The following COPZ1 variants were observed in gnomAD, a reference collection of about 807,000 sequenced individuals.
The protein encoded by COPZ1 is coatomer subunit zeta-1.
Under a neutral mutation model 31.7 loss-of-function variants are expected in COPZ1, and 4 were observed. That is an observed-to-expected ratio of 0.13 (90% confidence interval 0.06 to 0.29). COPZ1 has a LOEUF of 0.29. Ranked by LOEUF, COPZ1 falls within the 10% of genes least tolerant of loss-of-function variation. The probability of loss-of-function intolerance (pLI) is 1.00; values close to 1 mark genes in which losing one functional copy is unlikely to be tolerated. For synonymous variants in COPZ1, 74 were observed against 79.0 expected (o/e 0.94, Z 0.33); for missense variants, 156 against 211.5 (o/e 0.74, Z 1.63).
rs966494462 is a variant in COPZ1 at position 54,337,277 on chromosome 12, G to C, written c.19-3270G>C. On this transcript the variant is annotated intron_variant, in intron 1 of 8. Coordinates refer to ENST00000262061, the MANE Select transcript of COPZ1 (RefSeq NM_016057.3). Reference sequence around the variant, plus strand: ...ACACTCAGGCTGTGGCTCTCTGAAAGTCAGTGCATCACAGAACTTTGTCTC... The same window carrying C: ...ACACTCAGGCTGTGGCTCTCTGAAACTCAGTGCATCACAGAACTTTGTCTC... 7.5e-6 allele frequency: 4 copies of C among 534,618 alleles called. No homozygotes were observed. The African/African-American group carries it at 7.7e-5, about 10-fold the overall frequency. 33.1% of individuals were successfully genotyped at this position (534,618 alleles called of 1,614,324 possible).
At chr12:54,327,880 C>A (rs1367470236) in intron 1 of COPZ1, among the ~76,000 whole-genome samples, 1 of 151,684 alleles carries the variant, frequency 6.6e-6, no homozygotes, top group African/African-American at 2.4e-5. Context: ...TAGAAGGGAG[C>A]CTGCTTAAAG....
chr12:54,347,538 C>T (rs1954085496), intron 5 of COPZ1, among the ~76,000 whole-genome samples: 1 of 152,192 alleles, frequency 6.6e-6, no homozygotes, highest in South Asian at 2.1e-4. Flanking sequence ...CCTGAATAGT[C>T]AGAAATTGAC....
chr12:54,349,558 A>C, intron 7 of COPZ1, 62 bp from the exon 8 acceptor site: 2 of 1,316,206 alleles, frequency 1.5e-6, no homozygotes, highest in Non-Finnish European at 2.2e-6. Context: ...CTAATACCAG[A>C]CTCCAATCAG....
chr12:54,349,973 G>T (rs1207418447), intron 8 of COPZ1: 15 of 592,192 alleles, frequency 2.5e-5, no homozygotes, highest in Middle Eastern at 4.4e-4. Context: ...TGGTCTGTGT[G>T]CATTTGTGCA....
chr12:54,331,946 C>A (rs758328039), intron 1 of COPZ1, among the ~76,000 whole-genome samples: 11 of 152,184 alleles, frequency 7.2e-5, no homozygotes, highest in Non-Finnish European at 1.3e-4. Flanking sequence ...CTCTTCCCAG[C>A]AGTACTGCTT....
chr12:54,326,152 A>ATTT (rs1182938105), intron 1 of COPZ1, among the ~76,000 whole-genome samples: 3 of 136,292 alleles, frequency 2.2e-5, no homozygotes, highest in African/African-American at 8.3e-5. Context: ...TATTATTATT[A>ATTT]TTTTTGAGAC....
chr12:54,325,367 C>G, intron 1 of COPZ1, 186 bp downstream of exon 1: 1 of 763,970 alleles, frequency 1.3e-6, no homozygotes, highest in Non-Finnish European at 2.0e-6. Context: ...AGTAGGAAGC[C>G]CTGCCGGGGA....
intron 8 of COPZ1, 68 bp downstream of exon 8, chr12:54,349,726 C>A: frequency 8.3e-7 from 1 of 1,206,240 alleles, no homozygotes; most frequent in Non-Finnish European, 1.2e-6. Flanking sequence ...GCATTCCACC[C>A]ATACCTCTCA....
Position 54,325,198 on chromosome 12 carries a change from C to G in COPZ1, c.18+17C>G. 6.4e-7 allele frequency: 1 copy of G among 1,557,504 alleles called. No homozygotes were observed. The highest frequency in any genetic ancestry group is 8.7e-7 in the Non-Finnish European group (1 of 1,151,110). ...CTGATTTTGGTAGGAGCTGGAGGGG[C>G]AGCAGAGATGCTGTGGTGTCCACAG... is the stretch of plus-strand genomic sequence containing the variant. On this transcript the variant is annotated intron_variant, in intron 1 of 8. Transcript: ENST00000262061.
intron 1 of COPZ1, among the ~76,000 whole-genome samples, chr12:54,335,737 T>C (rs1319851828): frequency 2.0e-5 from 3 of 151,938 alleles, no homozygotes; most frequent in South Asian, 2.1e-4. Context: ...AGTAGCGCAA[T>C]TGTAGCTCAC....
chr12:54,344,066 G>A (rs2178395), intron 4 of COPZ1, among the ~76,000 whole-genome samples: 24,146 of 152,184 alleles, frequency 0.16, 2,163 homozygotes, highest in East Asian at 0.24. Flanking sequence ...GTTCAACCTA[G>A]TAACTTTCTC....
At chr12:54,346,349 C>T (rs1261729087) in intron 5 of COPZ1, among the ~76,000 whole-genome samples, 2 of 150,312 alleles carry the variant, frequency 1.3e-5, no homozygotes, top group African/African-American at 4.9e-5. Flanking sequence ...CTCACTGCAA[C>T]CTCTGCCTCC....
rs962209665 is a variant in COPZ1 at position 54,350,861 on chromosome 12, T to C, written c.*338T>C. 3.1e-6 allele frequency: 1 copy of C among 326,884 alleles called. No individual in the cohort carries two copies. The highest frequency in any genetic ancestry group is 2.1e-5 in the African/African-American group (1 of 48,364). 20.2% of individuals were successfully genotyped at this position (326,884 alleles called of 1,614,324 possible). On this transcript the variant is annotated 3_prime_UTR_variant, in exon 9 of 9. Coordinates refer to ENST00000262061, the MANE Select transcript of COPZ1 (RefSeq NM_016057.3). Reference sequence around the variant, plus strand: ...CCTTTGCTGTAGCTACACTTCAGATTAAAGTAGGAGAAAGAATGTGCTGAG... The same window carrying C: ...CCTTTGCTGTAGCTACACTTCAGATCAAAGTAGGAGAAAGAATGTGCTGAG...
chr12:54,325,395 G>T, intron 1 of COPZ1: 1 of 630,406 alleles, frequency 1.6e-6, no homozygotes, highest in Non-Finnish European at 2.7e-6. Context: ...TAGAGTCGGT[G>T]GAAAGTTGAA....
chr12:54,343,687 T>G (rs1475967528), intron 4 of COPZ1, among the ~76,000 whole-genome samples: 1 of 152,234 alleles, frequency 6.6e-6, no homozygotes, highest in African/African-American at 2.4e-5. Flanking sequence ...ACCTGGGTCA[T>G]GTTGAAACCA....
In COPZ1 at chr12:54,339,399, G is replaced by A. The variant is rs190501696; in HGVS notation, c.19-1148G>A. On this transcript the variant is annotated intron_variant, in intron 1 of 8. Transcript: ENST00000262061. ...GTTTCACTCTGTCACCCAGCCTGGA[G>A]TGCAGTGGCGCAGTCCTAGCTCAGC... 3.2e-3 allele frequency among the ~76,000 whole-genome samples: 486 copies of A among 152,222 alleles called. 2 individuals carry two copies. Among genetic ancestry groups the A allele is most frequent in the African/African-American group, 0.011 (436 of 41,522 alleles).
intron 7 of COPZ1, among the ~76,000 whole-genome samples, chr12:54,349,325 C>G (rs925815681): frequency 6.6e-6 from 1 of 152,140 alleles, no homozygotes; most frequent in African/African-American, 2.4e-5. Flanking sequence ...TCCACCCCCA[C>G]GTTAAGGGAG....
At chr12:54,345,317 G>A in intron 4 of COPZ1, 143 bp from the exon 5 acceptor site, 1 of 588,630 alleles carries the variant, frequency 1.7e-6, no homozygotes, top group Non-Finnish European at 3.1e-6. Flanking sequence ...TTTTCCTGTT[G>A]TGCTCTCACT....
intron 8 of COPZ1, chr12:54,350,151 C>T (rs1954123267): frequency 6.1e-6 from 4 of 660,590 alleles, no homozygotes; most frequent in African/African-American, 3.6e-5. Context: ...GGAATTCTCA[C>T]CAAGAAGTCC....
Sources: allele counts gnomAD v4.1 joint callset (sites outside exome capture counted in the v4.1 genomes callset), GRCh38; gene constraint gnomAD v4.1.1; transcripts MANE v1.5; gene names NCBI Gene and HGNC (gene_info 2026-07-23, HGNC 2026-07-21).